PDE4B: variants seen among roughly 807,000 people sequenced by gnomAD.
The protein encoded by PDE4B is phosphodiesterase 4B, also known as 3',5'-cyclic-AMP phosphodiesterase 4B.
In PDE4B, 20 loss-of-function variants were observed where a neutral mutation model predicts 82.2. The ratio of observed to expected loss-of-function variants is 0.24; its 90% confidence interval spans 0.17 to 0.35. The LOEUF is 0.35. Ranked by LOEUF, PDE4B falls within the 10% of genes least tolerant of loss-of-function variation. PDE4B has a pLI of 1.00. For missense variants in PDE4B, 655 were observed against 907.2 expected (o/e 0.72, Z 3.57); for synonymous variants, 320 against 318.9 (o/e 1.00, Z -0.04).
chr1:66,092,783 A>G (rs1457369437), intron 3 of PDE4B, among the ~76,000 whole-genome samples: 1 of 151,944 alleles, frequency 6.6e-6, no homozygotes, highest in Non-Finnish European at 1.5e-5. Flanking sequence ...GTGGGTGGGG[A>G]ACAGCAGAGA....
intron 7 of PDE4B, among the ~76,000 whole-genome samples, chr1:66,331,174 A>ATGTGG (rs1660078766): frequency 6.6e-6 from 1 of 152,238 alleles, no homozygotes; most frequent in South Asian, 2.1e-4. Context: ...TTTAAAAACC[A>ATGTGG]TGTGGTCTTG....
chr1:65,863,522 G>T lies in PDE4B; in HGVS notation c.-70-49723G>T, dbSNP rs1042411429. Among the ~76,000 whole-genome samples the T allele has an allele frequency of 1.3e-4, 20 of 152,256 alleles. 1 individual carries two copies. The highest frequency in any genetic ancestry group is 2.1e-4 in the South Asian group (1 of 4,824). ...AGTTCTGTAGATGTGTATTAGATAT[G>T]CTTCTTCCAGAGCTGAGTTCAAGTC... On this transcript the variant is annotated intron_variant, in intron 1 of 16. Transcript: ENST00000341517.
chr1:65,900,599 T>A (rs2100419643), intron 1 of PDE4B, among the ~76,000 whole-genome samples: 1 of 152,238 alleles, frequency 6.6e-6, no homozygotes, highest in Non-Finnish European at 1.5e-5. Context: ...ATGGAATGTT[T>A]CTCCATTTGT....
In PDE4B at chr1:66,185,990, C is replaced by G. The variant is rs570215548; in HGVS notation, c.282-61470C>G. On this transcript the variant is annotated intron_variant, in intron 3 of 16. Transcript: ENST00000341517. Reference sequence around the variant, plus strand: ...TTAGGTCTAACATTTAAGTCTTTAACCCATCTTGAATTAATTTTTGTATAA... The same window carrying G: ...TTAGGTCTAACATTTAAGTCTTTAAGCCATCTTGAATTAATTTTTGTATAA... Among the ~76,000 whole-genome samples the G allele has an allele frequency of 5.3e-5, 8 of 152,078 alleles. No individual in the cohort carries two copies. In the East Asian group the frequency reaches 1.5e-3, roughly 29 times the overall value.
chr1:65,961,497 T>A (rs746729157), intron 3 of PDE4B, among the ~76,000 whole-genome samples: 3 of 152,304 alleles, frequency 2.0e-5, no homozygotes, highest in African/African-American at 4.8e-5. Flanking sequence ...ATAATAAGAA[T>A]AAAGATAATA....
chr1:66,054,883 T>G (rs2100874437), intron 3 of PDE4B, among the ~76,000 whole-genome samples: 1 of 152,284 alleles, frequency 6.6e-6, no homozygotes, highest in African/African-American at 2.4e-5. Flanking sequence ...TCCTCACATC[T>G]CTTCAGTTTC....
At chr1:66,362,254 G>T (rs1466821420) in intron 10 of PDE4B, among the ~76,000 whole-genome samples, 1 of 152,132 alleles carries the variant, frequency 6.6e-6, no homozygotes, top group Admixed American at 6.5e-5. Flanking sequence ...AAGGACCAAT[G>T]GGAAAATCTG....
At chr1:66,332,063 G>C in intron 7 of PDE4B, 1 of 1,092,346 alleles carries the variant, frequency 9.2e-7, no homozygotes, top group South Asian at 3.7e-5. Flanking sequence ...ATGAGAAAAA[G>C]CTTTCCTCAT....
chr1:65,875,404 GGAT>G (rs1646627645), intron 1 of PDE4B, among the ~76,000 whole-genome samples: 2 of 145,320 alleles, frequency 1.4e-5, no homozygotes, highest in Non-Finnish European at 3.0e-5. Flanking sequence ...GATTCCTCAG[GGAT>G]CTAGAACTAG....
At chr1:66,310,936 CG>C (rs1658624674) in intron 7 of PDE4B, among the ~76,000 whole-genome samples, 2 of 152,128 alleles carry the variant, frequency 1.3e-5, no homozygotes, top group Non-Finnish European at 2.9e-5. Flanking sequence ...ATTGAGTGCT[CG>C]ATAAATGTAT....
chr1:66,167,137 T>C lies in PDE4B; in HGVS notation c.282-80323T>C, dbSNP rs1237780297. 2.0e-5 allele frequency among the ~76,000 whole-genome samples: 3 copies of C among 152,202 alleles called. No homozygotes were observed. The East Asian group carries it at 5.8e-4, about 29-fold the overall frequency. ...AATGGTGTGACCATATTGGAAAAGT[T>C]TGCCAGTTTCTCAAAATGTTAAACA... On this transcript the variant is annotated intron_variant, in intron 3 of 16. Coordinates refer to ENST00000341517, the MANE Select transcript of PDE4B (RefSeq NM_002600.4).
intron 3 of PDE4B, among the ~76,000 whole-genome samples, chr1:65,980,352 A>G (rs767989924): frequency 2.6e-5 from 4 of 152,188 alleles, no homozygotes; most frequent in Non-Finnish European, 4.4e-5. Flanking sequence ...CTGAAAATGT[A>G]CAGAAAAATG....
chr1:66,315,649 CG>C (rs1328630586), intron 7 of PDE4B, among the ~76,000 whole-genome samples: 1 of 151,942 alleles, frequency 6.6e-6, no homozygotes, highest in Non-Finnish European at 1.5e-5. Flanking sequence ...TAATAGAGAC[CG>C]GATTTCACCA....
At chr1:66,250,339 A>T (rs1372423327) in intron 4 of PDE4B, among the ~76,000 whole-genome samples, 1 of 152,150 alleles carries the variant, frequency 6.6e-6, no homozygotes, top group African/African-American at 2.4e-5. Flanking sequence ...GCTGTCATGA[A>T]TTTTTTATGA....
chr1:66,043,891 T>G (rs1181891522), intron 3 of PDE4B, among the ~76,000 whole-genome samples: 2 of 151,764 alleles, frequency 1.3e-5, no homozygotes, highest in Non-Finnish European at 2.9e-5. Flanking sequence ...GGCTGAACAC[T>G]GTAAATTACA....
At chr1:65,933,587 G>T (rs1408803514) in intron 3 of PDE4B, among the ~76,000 whole-genome samples, 2 of 152,244 alleles carry the variant, frequency 1.3e-5, no homozygotes, top group South Asian at 4.1e-4. Flanking sequence ...CCAGCTACTT[G>T]GGAGGCTGAG....
At chr1:66,061,248 C>T (rs1655570506) in intron 3 of PDE4B, among the ~76,000 whole-genome samples, 1 of 149,098 alleles carries the variant, frequency 6.7e-6, no homozygotes, top group Non-Finnish European at 1.5e-5. Flanking sequence ...ACACTGTCTT[C>T]ATACTAGATA....
chr1:66,269,954 C>A (rs573446619), intron 7 of PDE4B, among the ~76,000 whole-genome samples: 1 of 152,254 alleles, frequency 6.6e-6, no homozygotes, highest in African/African-American at 2.4e-5. Flanking sequence ...TACTAAATTT[C>A]TTTTTCTAAA....
chr1:66,010,399 G>T (rs1263175328), intron 3 of PDE4B, among the ~76,000 whole-genome samples: 1 of 151,842 alleles, frequency 6.6e-6, no homozygotes, highest in South Asian at 2.1e-4. Flanking sequence ...TTAATAGCAA[G>T]AAAACTTAAA....
Sources: gnomAD v4.1 joint callset for allele counts (sites outside exome capture counted in the v4.1 genomes callset) on GRCh38, gnomAD v4.1.1 for gene constraint, MANE v1.5 for transcripts, NCBI Gene and HGNC (gene_info 2026-07-23, HGNC 2026-07-21) for gene names.